Variants in HLA-DPB1 observed in about 807,000 individuals in gnomAD.
HLA-DPB1 encodes the protein major histocompatibility complex, class II, DP beta 1.
Under a neutral mutation model 29.4 loss-of-function variants are expected in HLA-DPB1, and 30 were observed. The ratio of observed to expected loss-of-function variants is 1.02; its 90% CI spans 0.76 to 1.38. HLA-DPB1 has a LOEUF of 1.38. HLA-DPB1 is among the 40% of genes most tolerant of loss of function. The pLI is 0.00. For missense variants in HLA-DPB1, 261 were observed against 327.5 expected, an observed-to-expected ratio of 0.80 and a Z score of 1.57; for synonymous variants, 114 against 134.0, an observed-to-expected ratio of 0.85 and a Z score of 1.03.
intron 3 of HLA-DPB1, 142 bp from the exon 4 acceptor site, chr6:33,085,637 T>C (rs1763061984): frequency 1.5e-6 from 1 of 678,910 alleles, no homozygotes; most frequent in Non-Finnish European, 2.6e-6. Context: ...GGGTGGCTCT[T>C]TCTGAATTTC....
chr6:33,084,198 C>T lies in HLA-DPB1; in HGVS notation c.365-752C>T, dbSNP rs572895726. Among the ~76,000 whole-genome samples the T allele has an allele frequency of 2.6e-5, 4 of 152,216 alleles. No individual in the cohort carries two copies. The East Asian group carries it at 7.7e-4, about 29-fold the overall frequency. ...CAAGATATTATTTGAGTAAATTTTG[C>T]TTCCTTTGTATCAAGATAGAACTTT... is the stretch of plus-strand genomic sequence containing the variant. On this transcript the variant is annotated intron_variant, in intron 2 of 5. Coordinates refer to ENST00000418931, the MANE Select transcript of HLA-DPB1 (RefSeq NM_002121.6).
intron 2 of HLA-DPB1, among the ~76,000 whole-genome samples, chr6:33,084,318 TG>T (rs1762999251): frequency 6.6e-6 from 1 of 152,250 alleles, no homozygotes; most frequent in Admixed American, 6.5e-5. Flanking sequence ...GTGCAAACTC[TG>T]TCTCCCTGCC....
chr6:33,088,125 T>C lies in HLA-DPB1; in HGVS notation c.*1591T>C, dbSNP rs1422913225. Among the ~76,000 whole-genome samples, 1 of 152,168 alleles carries C rather than the reference T, an allele frequency of 6.6e-6. No individual in the cohort carries two copies. Among genetic ancestry groups the C allele is most frequent in the African/African-American group, 2.4e-5 (1 of 41,430 alleles). Reference sequence around the variant, plus strand: ...AAACTTGTGAGAAACCTATGCAGCATAAAATTAATATGATTTCAATCCAGG... The same window carrying C: ...AAACTTGTGAGAAACCTATGCAGCACAAAATTAATATGATTTCAATCCAGG... On this transcript the variant is annotated 3_prime_UTR_variant, in exon 6 of 6. Coordinates refer to ENST00000418931, the MANE Select transcript of HLA-DPB1 (RefSeq NM_002121.6).
rs577371085 is a variant in HLA-DPB1, at chr6:33,089,610, C to G, written c.*3076C>G. ...TCCAATGTAAATCATATGGCTGCAA[C>G]TAACTTCAAATAAGTGGGAATACTT... On this transcript the variant is annotated 3_prime_UTR_variant, in exon 6 of 6. Transcript: ENST00000418931. Among the ~76,000 whole-genome samples the G allele has an allele frequency of 2.0e-5, 3 of 152,268 alleles. No homozygotes were observed. The highest frequency in any genetic ancestry group is 7.2e-5 in the African/African-American group (3 of 41,560).
chr6:33,088,985 C>T lies in HLA-DPB1; in HGVS notation c.*2451C>T, dbSNP rs9277562. On this transcript the variant is annotated 3_prime_UTR_variant, in exon 6 of 6. Transcript: ENST00000418931. ...ACGAGAAGGTGGTCCACCCAACAGA[C>T]AACACTGCCTCAGATGGTTATCAAG... Among the ~76,000 whole-genome samples, 38,220 of 151,708 alleles carry T rather than the reference C, an allele frequency of 0.25. 5,215 individuals carry two copies. Among genetic ancestry groups the T allele is most frequent in the East Asian group, 0.63 (3,205 of 5,126 alleles).
chr6:33,085,814 A>T lies in HLA-DPB1; in HGVS notation c.682A>T (p.Thr228Ser). The change falls in exon 4 of 6, where the codon ACG (threonine) becomes TCG (serine). Residue 228 changes from threonine to serine, a missense_variant. Transcript: ENST00000418931. Reference sequence around the variant, plus strand: ...TGATTCTGCCCGGAGTAAGACATTGACGGGAGCTGGGGGCTTCGTGCTGGG... The same window carrying T: ...TGATTCTGCCCGGAGTAAGACATTGTCGGGAGCTGGGGGCTTCGTGCTGGG... ...QSDSARSKTL[T>S]GAGGFVLGLI... 6.2e-7 allele frequency: 1 copy of T among 1,614,018 alleles called. No homozygotes were observed. The highest frequency in any genetic ancestry group is 8.5e-7 in the Non-Finnish European group (1 of 1,179,958).
chr6:33,080,909 G>A lies in HLA-DPB1; in HGVS notation c.338G>A (p.Gly113Asp), dbSNP rs1042169. The change falls in exon 2 of 6, where the codon GGC (glycine) becomes GAC (aspartate). Residue 113 changes from glycine (G) to aspartate (D), a missense_variant. Transcript: ENST00000418931. This position sits in a 1 kb window ranked among gnomAD's most constrained non-coding sequence, Gnocchi z 4.3. ...DRMCRHNYEL[G>D]GPMTLQRRVQ... is the part of the protein sequence containing the mutation. ...ATGTGCAGACACAACTACGAGCTGG[G>A]CGGGCCCATGACCCTGCAGCGCCGA... 510,839 of 1,590,224 alleles carry A rather than the reference G, an allele frequency of 0.32. 89,393 individuals are homozygous for A. The highest frequency in any genetic ancestry group is 0.61 in the East Asian group (27,361 of 44,712).
At chr6:33,077,994 G>T (rs1179687508) in intron 1 of HLA-DPB1, among the ~76,000 whole-genome samples, 1 of 152,138 alleles carries the variant, frequency 6.6e-6, no homozygotes, top group Non-Finnish European at 1.5e-5. Context: ...GGTGAGGCTG[G>T]GGAGAGAGGA....
chr6:33,076,064 C>T lies in HLA-DPB1; in HGVS notation c.23C>T (p.Ala8Val), dbSNP rs1332954676. 1.9e-6 allele frequency: 3 copies of T among 1,611,838 alleles called. 1 individual carries two copies. The highest frequency in any genetic ancestry group is 2.2e-5 in the South Asian group (2 of 90,654). Residue 8 changes from alanine to valine, a missense_variant, in exon 1 of 6, where the codon GCG becomes GTG. Coordinates refer to ENST00000418931, the MANE Select transcript of HLA-DPB1 (RefSeq NM_002121.6). MMVLQVS[A>V]APRTVALTAL... The stretch of plus-strand genomic sequence containing the variant: ...TCCATGATGGTTCTGCAGGTTTCTG[C>T]GGCCCCCCGGACAGTGGCTCTGACG...
At position 33,085,791 on chromosome 6, in the gene HLA-DPB1, A is replaced by C; in HGVS notation, c.659A>C (p.Asp220Ala). 6.2e-7 allele frequency: 1 copy of C among 1,613,768 alleles called. No individual in the cohort carries two copies. Among genetic ancestry groups the C allele is most frequent in the Non-Finnish European group, 8.5e-7 (1 of 1,179,750 alleles). The part of the protein sequence containing the change: ...PVTVEWKAQS[D>A]SARSKTLTGA... ...CTGTCCTTCCCAGAGGCACAGTCTG[A>C]TTCTGCCCGGAGTAAGACATTGACG... The change falls in exon 4 of 6, where the codon GAT becomes GCT. Residue 220 changes from aspartate (D) to alanine (A), a missense_variant. Physicochemically the swap from Asp to Ala is moderately radical, Grantham distance 126. Coordinates refer to ENST00000418931, the MANE Select transcript of HLA-DPB1 (RefSeq NM_002121.6).
chr6:33,086,050 C>G, intron 4 of HLA-DPB1, 161 bp downstream of exon 4: 1 of 793,488 alleles, frequency 1.3e-6, no homozygotes, highest in Non-Finnish European at 2.1e-6. Flanking sequence ...GAGAGGGATC[C>G]CAGGCTGGGA....
intron 2 of HLA-DPB1, chr6:33,083,417 T>C (rs1467737715): frequency 2.0e-5 from 3 of 152,244 alleles, no homozygotes; most frequent in African/African-American, 7.2e-5. Context: ...TCTCCCTGAA[T>C]GAACTGTTCT....
Position 33,076,040 on chromosome 6 carries a change from C to A in HLA-DPB1, c.-2C>A. On this transcript the variant is annotated 5_prime_UTR_variant, in exon 1 of 6. Coordinates refer to ENST00000418931, the MANE Select transcript of HLA-DPB1 (RefSeq NM_002121.6). The stretch of plus-strand genomic sequence containing the variant: ...TTCATTTTGCCATCCTTTTCCAGCT[C>A]CATGATGGTTCTGCAGGTTTCTGCG... 1.2e-6 allele frequency: 2 copies of A among 1,610,516 alleles called. No homozygotes were observed. The highest frequency in any genetic ancestry group is 8.5e-7 in the Non-Finnish European group (1 of 1,178,538).
In HLA-DPB1 at chr6:33,086,775, C is replaced by T. The variant is rs928; in HGVS notation, c.*241C>T. 6.2e-6 allele frequency: 2 copies of T among 324,532 alleles called. No homozygotes were observed. The highest frequency in any genetic ancestry group is 2.4e-4 in the East Asian group (2 of 8,238). 20.1% of individuals were successfully genotyped at this position (324,532 alleles called of 1,614,324 possible). On this transcript the variant is annotated 3_prime_UTR_variant, in exon 6 of 6. Transcript: ENST00000418931. ...CACAAATAATCAAAACCCAACATGACTGTTTGTTTTCCTTTAAAAATATGC... is the reference window on the plus strand; with the variant it reads ...CACAAATAATCAAAACCCAACATGATTGTTTGTTTTCCTTTAAAAATATGC...
At chr6:33,085,390 A>C (rs9277458) in intron 3 of HLA-DPB1, among the ~76,000 whole-genome samples, 159 bp downstream of exon 3, 57,840 of 152,000 alleles carry the variant, frequency 0.38, 12,442 homozygotes, top group East Asian at 0.64. Context: ...GAAGCCAGGG[A>C]AATGGAGACT....
Position 33,086,542 on chromosome 6 carries a change from T to A in HLA-DPB1, c.*8T>A, listed in dbSNP as rs1398174110. 2 of 652,478 alleles carry A rather than the reference T, an allele frequency of 3.1e-6. No individual in the cohort carries two copies. Among genetic ancestry groups the A allele is most frequent in the South Asian group, 3.1e-5 (2 of 64,896 alleles). 40.4% of individuals were successfully genotyped at this position (652,478 alleles called of 1,614,324 possible). A position where few individuals can be genotyped will look rare whatever the true frequency, so the allele number is the denominator to read the frequency against. ...AACTTGTCTTTTACCCCCACAGGGTTCCTGAGCTCACTGAAAAGACTATTG... is the reference window on the plus strand; with the variant it reads ...AACTTGTCTTTTACCCCCACAGGGTACCTGAGCTCACTGAAAAGACTATTG... On this transcript the variant is annotated 3_prime_UTR_variant, in exon 6 of 6. Coordinates refer to ENST00000418931, the MANE Select transcript of HLA-DPB1 (RefSeq NM_002121.6).
In HLA-DPB1 at chr6:33,083,119, TGAA is replaced by T. The variant is rs574824563; in HGVS notation, c.365-1829_365-1827del. Among the ~76,000 whole-genome samples, 146 of 152,254 alleles carry T rather than the reference TGAA, an allele frequency of 9.6e-4. 2 individuals are homozygous for T. The highest frequency in any genetic ancestry group is 3.4e-3 in the African/African-American group (142 of 41,534). On this transcript the variant is annotated intron_variant, in intron 2 of 5. Transcript: ENST00000418931. ...ATGGACATTGAGTTAACCGAGGTAATGAAGTAGTGAGACACAGGTGCCCCTGAA... is the reference window on the plus strand; with the variant it reads ...ATGGACATTGAGTTAACCGAGGTAATGTAGTGAGACACAGGTGCCCCTGAA...
At chr6:33,085,701 G>A (rs1763065034) in intron 3 of HLA-DPB1, 78 bp from the exon 4 acceptor site, 4 of 989,730 alleles carry the variant, frequency 4.0e-6, no homozygotes, top group East Asian at 4.8e-5. Flanking sequence ...GCTGCATCAG[G>A]CTCCAGAATC....
chr6:33,079,642 C>G (rs1434504430), intron 1 of HLA-DPB1: 2 of 469,948 alleles, frequency 4.3e-6, no homozygotes, highest in Admixed American at 2.4e-5. Flanking sequence ...GGAGCAACAA[C>G]AACAACAAAA....
Sources: allele counts gnomAD v4.1 joint callset (sites outside exome capture counted in the v4.1 genomes callset), GRCh38; gene constraint gnomAD v4.1.1; non-coding constraint Gnocchi (gnomAD v3.1); transcripts MANE v1.5; gene names NCBI Gene and HGNC (gene_info 2026-07-23, HGNC 2026-07-21).